TRAPPC11: variants seen among roughly 807,000 people sequenced by gnomAD.
TRAPPC11 encodes the protein trafficking protein particle complex subunit 11, also known as foie gras homolog.
A neutral mutation model predicts 151.2 loss-of-function variants in TRAPPC11; 104 were observed. That is an observed-to-expected ratio of 0.69 (90% CI 0.59 to 0.81). The LOEUF (loss-of-function observed/expected upper bound fraction) is 0.81. TRAPPC11 is among the 30% of genes least tolerant of loss of function. The pLI, the probability that TRAPPC11 is intolerant of heterozygous loss-of-function variation, is 0.00. For missense variants in TRAPPC11, 1,230 were observed against 1,349.6 expected, an observed-to-expected ratio of 0.91 and a Z score of 1.39; for synonymous variants, 456 against 472.3, an observed-to-expected ratio of 0.97 and a Z score of 0.45.
chr4:183,666,522 G>T (rs1318182255), intron 3 of TRAPPC11, 96 bp downstream of exon 3: 1 of 1,280,324 alleles, frequency 7.8e-7, no homozygotes. Context: ...TCAGACTGCA[G>T]TGGTCACTTT....
rs778973130 is a variant in TRAPPC11 at position 183,691,295 on chromosome 4, AC to A, written c.1894-17del. 24 of 1,439,652 alleles carry A rather than the reference AC, an allele frequency of 1.7e-5. No individual in the cohort carries two copies. In the African/African-American group the frequency reaches 3.3e-4, roughly 20 times the overall value. The allele number at this position is 1,439,652 out of a possible 1,614,324, so 89.2% of individuals were successfully genotyped here. On this transcript the variant is annotated intron_variant, in intron 18 of 29. Transcript: ENST00000334690. ...GTTAGCAGACATCTGACATTTGATGACCCCTGTTCACCTTTTTCAGGAATAC... is the reference window on the plus strand; with the variant it reads ...GTTAGCAGACATCTGACATTTGATGACCCTGTTCACCTTTTTCAGGAATAC...
chr4:183,694,344 A>G (rs563788970), intron 22 of TRAPPC11, among the ~76,000 whole-genome samples: 3 of 152,134 alleles, frequency 2.0e-5, no homozygotes, highest in African/African-American at 7.2e-5. Flanking sequence ...ATAGAAAAAT[A>G]TTTTGGAAGT....
chr4:183,687,575 A>G (rs1453590563), intron 18 of TRAPPC11, among the ~76,000 whole-genome samples: 2 of 152,010 alleles, frequency 1.3e-5, no homozygotes, highest in East Asian at 1.9e-4. Flanking sequence ...GTGATCCACC[A>G]ACCTCAGCCT....
chr4:183,702,774 T>C (rs1736865938), intron 26 of TRAPPC11, among the ~76,000 whole-genome samples: 2 of 152,194 alleles, frequency 1.3e-5, no homozygotes, highest in African/African-American at 2.4e-5. Context: ...ATGATATTCA[T>C]GTGTTATCCT....
intron 2 of TRAPPC11, among the ~76,000 whole-genome samples, chr4:183,665,122 T>C (rs1480532430): frequency 8.2e-6 from 1 of 122,436 alleles, no homozygotes; most frequent in Non-Finnish European, 1.6e-5. Context: ...TGAGACGGAG[T>C]CTCGCTCTGT....
chr4:183,702,344 A>T (rs1389874856), intron 26 of TRAPPC11, among the ~76,000 whole-genome samples: 1 of 127,428 alleles, frequency 7.8e-6, no homozygotes, highest in African/African-American at 4.4e-5. Flanking sequence ...ACCCTGTTTA[A>T]AAAAAAAAAA....
At chr4:183,701,858 A>C in intron 26 of TRAPPC11, 50 bp downstream of exon 26, 28 of 1,182,720 alleles carry the variant, frequency 2.4e-5, no homozygotes, top group Non-Finnish European at 3.2e-5. Context: ...TGTTATTCTC[A>C]TACCTTTATT....
Position 183,686,692 on chromosome 4 carries a change from G to T in TRAPPC11, c.1837G>T (p.Ala613Ser). 2 of 1,614,056 alleles carry T rather than the reference G, an allele frequency of 1.2e-6. No homozygotes were observed. The highest frequency in any genetic ancestry group is 1.6e-4 in the Middle Eastern group (1 of 6,062). The stretch of plus-strand genomic sequence containing the variant: ...TGTTCAGTTTGATATTTATCTGAAG[G>T]CTGATTGTCCACATCCCATTAGGTT... ...VPVQFDIYLK[A>S]DCPHPIRFSK... The change falls in exon 18 of 30, where the codon GCT (alanine) becomes TCT (serine). Residue 613 changes from alanine to serine, a missense_variant. Physicochemically the swap from Ala to Ser is moderately conservative, Grantham distance 99. Coordinates refer to ENST00000334690, the MANE Select transcript of TRAPPC11 (RefSeq NM_021942.6).
At chr4:183,697,438 T>C in intron 23 of TRAPPC11, 65 bp from the exon 24 acceptor site, 8 of 1,494,488 alleles carry the variant, frequency 5.4e-6, no homozygotes, top group Non-Finnish European at 7.3e-6. Flanking sequence ...TAGGTTGTGT[T>C]TTTTAAAACT....
At chr4:183,683,623 T>G (rs1231632950) in intron 11 of TRAPPC11, among the ~76,000 whole-genome samples, 1 of 152,174 alleles carries the variant, frequency 6.6e-6, no homozygotes, top group African/African-American at 2.4e-5. Flanking sequence ...ATTGTACCGC[T>G]GCACTCCAGC....
chr4:183,667,071 A>G lies in TRAPPC11; in HGVS notation c.386A>G (p.Gln129Arg), dbSNP rs1734920268. The G allele has an allele frequency of 1.9e-6, 3 of 1,596,946 alleles. No homozygotes were observed. The highest frequency in any genetic ancestry group is 1.7e-4 in the Middle Eastern group (1 of 5,940). Residue 129 changes from glutamine to arginine, a missense_variant, in exon 4 of 30, where the codon CAA (glutamine) becomes CGA (arginine). Coordinates refer to ENST00000334690, the MANE Select transcript of TRAPPC11 (RefSeq NM_021942.6). ...TRVEIVRQSL[Q>R]GRNTKVAVVL... ...CTTTTTCATTGCAGGCAAAGTTTAC[A>G]AGGAAGAAACACAAAAGTTGCAGTG...
intron 8 of TRAPPC11, 50 bp from the exon 9 acceptor site, chr4:183,679,301 CTT>C: frequency 6.8e-7 from 1 of 1,479,324 alleles, no homozygotes; most frequent in Non-Finnish European, 9.0e-7. Flanking sequence ...ATGAATATGT[CTT>C]TTGACTTTCT....
intron 1 of TRAPPC11, 123 bp downstream of exon 1, chr4:183,659,570 C>G (rs968648503): frequency 2.0e-5 from 3 of 152,306 alleles, no homozygotes; most frequent in Non-Finnish European, 4.4e-5. Flanking sequence ...AATCCTGGCA[C>G]TTCTCTTTTA....
intron 8 of TRAPPC11, among the ~76,000 whole-genome samples, chr4:183,678,272 A>T (rs1735511730): frequency 6.6e-6 from 1 of 152,174 alleles, no homozygotes; most frequent in Non-Finnish European, 1.5e-5. Flanking sequence ...TGAGCATTTT[A>T]TTTTGAGATT....
chr4:183,705,660 A>G (rs913046082), intron 27 of TRAPPC11, among the ~76,000 whole-genome samples: 3 of 152,092 alleles, frequency 2.0e-5, no homozygotes, highest in Admixed American at 2.0e-4. Context: ...CATTTGTCCT[A>G]TAGAGTTTCC....
At chr4:183,687,161 C>T (rs1016059532) in intron 18 of TRAPPC11, among the ~76,000 whole-genome samples, 1 of 152,030 alleles carries the variant, frequency 6.6e-6, no homozygotes, top group Non-Finnish European at 1.5e-5. Context: ...AGCCTGGTGA[C>T]AGAGCAAGAT....
intron 10 of TRAPPC11, among the ~76,000 whole-genome samples, chr4:183,682,022 A>G (rs1316578097): frequency 6.6e-6 from 1 of 152,220 alleles, no homozygotes; most frequent in Non-Finnish European, 1.5e-5. Flanking sequence ...GCCATGAAAA[A>G]TAATGTTTTA....
chr4:183,697,694 AG>A lies in TRAPPC11; in HGVS notation c.2713del (p.Val905PhefsTer9). ...FVSTKFEHLE[R>X]VYADIPFLLM... ...TTTGTGACAGTTTGAGCACCTGGAA[AG>A]GGTTTATGCTGACATCCCCTTTCTG... On this transcript the variant is annotated frameshift_variant, in exon 25 of 30. Transcript: ENST00000334690. LOFTEE classifies it high-confidence loss of function. The A allele has an allele frequency of 6.2e-7, 1 of 1,614,084 alleles. No homozygotes were observed. Among genetic ancestry groups the A allele is most frequent in the Non-Finnish European group, 8.5e-7 (1 of 1,180,016 alleles).
intron 18 of TRAPPC11, among the ~76,000 whole-genome samples, chr4:183,688,670 A>G (rs1445903032): frequency 6.6e-6 from 1 of 152,230 alleles, no homozygotes; most frequent in African/African-American, 2.4e-5. Context: ...TGTTCTATTC[A>G]ACTTCAGACC....
Sources: allele counts gnomAD v4.1 joint callset (sites outside exome capture counted in the v4.1 genomes callset), GRCh38; gene constraint gnomAD v4.1.1; transcripts MANE v1.5; gene names NCBI Gene and HGNC (gene_info 2026-07-23, HGNC 2026-07-21).